The following DDX18 variants were observed in gnomAD, a reference collection of about 807,000 sequenced individuals.
DDX18 encodes DEAD-box helicase 18, also known as ATP-dependent RNA helicase DDX18.
Under a neutral mutation model 73.5 loss-of-function variants are expected in DDX18, and 23 were observed. The observed-to-expected ratio is 0.31, with a 90% confidence interval of 0.23 to 0.44. The LOEUF (loss-of-function observed/expected upper bound fraction) is 0.44, where lower values mean the gene tolerates loss of function less well. DDX18 is among the 20% of genes least tolerant of loss of function. The pLI, the probability that DDX18 is intolerant of heterozygous loss-of-function variation, is 1.00. For synonymous variants in DDX18, 268 were observed against 282.7 expected, an observed-to-expected ratio of 0.95 and a Z score of 0.52; for missense variants, 753 against 792.9, an observed-to-expected ratio of 0.95 and a Z score of 0.60.
chr2:117,824,981 C>G lies in DDX18; in HGVS notation c.1248C>G (p.Leu416=). The G allele has an allele frequency of 1.9e-6, 3 of 1,613,632 alleles. No homozygotes were observed. Among genetic ancestry groups the G allele is most frequent in the South Asian group, 1.1e-5 (1 of 90,990 alleles). The part of the protein sequence containing the change: ...VCPSEKRFLL[L]FTFLKKNRKK... ...CTTCTGAAAAGAGATTCCTTCTGCT[C>G]TTTACATTCCTTAAGAAGAACCGAA... The change falls in exon 9 of 14, where the codon CTC becomes CTG. Residue 416 remains leucine, a synonymous_variant. Coordinates refer to ENST00000263239, the MANE Select transcript of DDX18 (RefSeq NM_006773.4).
At chr2:117,819,838 C>T (rs1476934486) in intron 3 of DDX18, 46 bp downstream of exon 3, 1 of 1,518,344 alleles carries the variant, frequency 6.6e-7, no homozygotes, top group Admixed American at 2.4e-5. Flanking sequence ...TAAAATGTGC[C>T]TCTCTTAGAG....
Position 117,831,155 on chromosome 2 carries a change from C to T in DDX18, c.*431C>T, listed in dbSNP as rs527714101. 1.0e-4 allele frequency: 16 copies of T among 156,698 alleles called. No individual in the cohort carries two copies. The highest frequency in any genetic ancestry group is 2.0e-4 in the Non-Finnish European group (14 of 71,562). 9.7% of individuals were successfully genotyped at this position (156,698 alleles called of 1,614,324 possible). ...CTGGTGGCGGTGCAGAAAAGAGTCT[C>T]AGGTTATTTTTTGTTTTTAGTTATT... On this transcript the variant is annotated 3_prime_UTR_variant, in exon 14 of 14. Coordinates refer to ENST00000263239, the MANE Select transcript of DDX18 (RefSeq NM_006773.4).
chr2:117,821,202 G>C lies in DDX18; in HGVS notation c.556G>C (p.Val186Leu), dbSNP rs1379403819. 14 of 1,607,850 alleles carry C rather than the reference G, an allele frequency of 8.7e-6. No homozygotes were observed. The highest frequency in any genetic ancestry group is 1.1e-5 in the South Asian group (1 of 89,502). The change falls in exon 4 of 14, where the codon GTC becomes CTC. Residue 186 changes from valine to leucine, a missense_variant. Val to Leu is a conservative substitution (Grantham distance 32). Transcript: ENST00000263239. The part of the protein sequence containing the change: ...DTSFASLCNL[V>L]NENTLKAIKE... ...TTCGTTTGCTTCTCTATGTAATCTT[G>C]TCAATGAAAACACTCTGAAGGCAAT... is the stretch of plus-strand genomic sequence containing the variant.
Position 117,817,625 on chromosome 2 carries a change from A to G in DDX18, c.267A>G (p.Lys89=). The G allele has an allele frequency of 6.2e-7, 1 of 1,614,058 alleles. No homozygotes were observed. Among genetic ancestry groups the G allele is most frequent in the Non-Finnish European group, 8.5e-7 (1 of 1,179,942 alleles). Residue 89 remains lysine, a synonymous_variant, in exon 2 of 14, where the codon AAA becomes AAG. Coordinates refer to ENST00000263239, the MANE Select transcript of DDX18 (RefSeq NM_006773.4). Reference sequence around the variant, plus strand: ...TAAAAGTTACAAAGTCTCCCCAGAAATCCACTGTATTAACCAATGGAGAAG... The same window carrying G: ...TAAAAGTTACAAAGTCTCCCCAGAAGTCCACTGTATTAACCAATGGAGAAG... ...GNIKVTKSPQ[K]STVLTNGEAA...
intron 12 of DDX18, 76 bp from the exon 13 acceptor site, chr2:117,829,213 G>A (rs1168180541): frequency 7.5e-6 from 11 of 1,464,932 alleles, no homozygotes; most frequent in Non-Finnish European, 1.0e-5. Flanking sequence ...CTTTGCTCTA[G>A]GATATTTAAA....
chr2:117,825,204 T>C (rs1679904696), intron 9 of DDX18, 103 bp downstream of exon 9: 2 of 1,422,460 alleles, frequency 1.4e-6, no homozygotes, highest in Non-Finnish European at 9.5e-7. Flanking sequence ...TTGTTCTGAG[T>C]AGTTTGATCA....
intron 1 of DDX18, 84 bp downstream of exon 1, chr2:117,814,946 G>A: frequency 7.3e-7 from 1 of 1,376,828 alleles, no homozygotes; most frequent in Non-Finnish European, 1.0e-6. Context: ...CAGCTGCTCT[G>A]TGTGACGGAG....
intron 2 of DDX18, among the ~76,000 whole-genome samples, chr2:117,819,263 C>T (rs1456575990): frequency 1.3e-5 from 2 of 152,156 alleles, no homozygotes; most frequent in Non-Finnish European, 2.9e-5. Context: ...CCTTCCTTTA[C>T]AGTCTATCTC....
intron 1 of DDX18, among the ~76,000 whole-genome samples, chr2:117,816,860 T>C (rs1460180512): frequency 6.6e-6 from 1 of 152,240 alleles, no homozygotes; most frequent in Non-Finnish European, 1.5e-5. Context: ...AGCTCCGTTA[T>C]AATCTTATGG....
intron 1 of DDX18, among the ~76,000 whole-genome samples, chr2:117,817,203 A>G (rs150210105): frequency 6.6e-6 from 1 of 152,332 alleles, no homozygotes; most frequent in East Asian, 1.9e-4. Context: ...AGTCAGATGT[A>G]CGGTCTTTTG....
intron 10 of DDX18, 39 bp downstream of exon 10, chr2:117,825,638 C>A: frequency 1.9e-6 from 3 of 1,597,998 alleles, no homozygotes; most frequent in Non-Finnish European, 2.6e-6. Flanking sequence ...AATGACTCTG[C>A]ATTAAAAGTT....
rs1679975357 is a variant in DDX18, at chr2:117,828,854, A to G, written c.1636-95A>G. Reference sequence around the variant, plus strand: ...AGATTTTCCTTTCTGTCCTGAGGGAATTTCATAGGCCGGTTCATCCTTCCC... The same window carrying G: ...AGATTTTCCTTTCTGTCCTGAGGGAGTTTCATAGGCCGGTTCATCCTTCCC... On this transcript the variant is annotated intron_variant, in intron 11 of 13. Coordinates refer to ENST00000263239, the MANE Select transcript of DDX18 (RefSeq NM_006773.4). 5 of 853,912 alleles carry G rather than the reference A, an allele frequency of 5.9e-6. No homozygotes were observed. In the South Asian group the frequency reaches 7.7e-5, roughly 13 times the overall value. 52.9% of individuals were successfully genotyped at this position (853,912 alleles called of 1,614,324 possible).
intron 1 of DDX18, among the ~76,000 whole-genome samples, chr2:117,816,094 CTG>C (rs1679752873): frequency 6.6e-6 from 1 of 152,168 alleles, no homozygotes; most frequent in African/African-American, 2.4e-5. Flanking sequence ...AATGGTACCT[CTG>C]TATACAGTAC....
chr2:117,829,957 T>TA (rs1431312840), intron 13 of DDX18, among the ~76,000 whole-genome samples: 1 of 152,216 alleles, frequency 6.6e-6, no homozygotes, highest in Non-Finnish European at 1.5e-5. Flanking sequence ...ACTTAGGTGT[T>TA]GCTTAAGATA....
In DDX18 at chr2:117,831,311, A is replaced by C. The variant is rs1680020695; in HGVS notation, c.*587A>C. The C allele has an allele frequency of 6.6e-6, 1 of 152,286 alleles. No individual in the cohort carries two copies. The allele number at this position is 152,286 out of a possible 1,614,324, so 9.4% of individuals were successfully genotyped here. A position where few individuals can be genotyped will look rare whatever the true frequency, so the allele number is the denominator to read the frequency against. ...ATTGCTTTTATAGATTCTTGATTTT[A>C]AAGCAACAGGCCTTTCTCAGGTGTT... On this transcript the variant is annotated 3_prime_UTR_variant, in exon 14 of 14. Transcript: ENST00000263239.
In DDX18 at chr2:117,829,377, C is replaced by A; in HGVS notation, c.1781C>A (p.Ser594Tyr). The change falls in exon 13 of 14, where the codon TCT (serine) becomes TAT (tyrosine). Residue 594 changes from serine to tyrosine, a missense_variant. This residue lies in a region of DDX18 where 402 missense variants were observed against 419.4 expected (regional missense o/e 0.96). Transcript: ENST00000263239. Reference sequence around the variant, plus strand: ...TACATACGAGCCTATGATTCCCATTCTCTGAAACAGATCTTTAATGTTAAT... The same window carrying A: ...TACATACGAGCCTATGATTCCCATTATCTGAAACAGATCTTTAATGTTAAT... ...KSYIRAYDSH[S>Y]LKQIFNVNNL... The A allele has an allele frequency of 6.2e-7, 1 of 1,614,094 alleles. No homozygotes were observed.
chr2:117,816,525 A>G (rs893585938), intron 1 of DDX18, among the ~76,000 whole-genome samples: 3 of 152,176 alleles, frequency 2.0e-5, no homozygotes, highest in Non-Finnish European at 4.4e-5. Flanking sequence ...CTTCAGGGGC[A>G]ACAATAGGCA....
At position 117,819,748 on chromosome 2, in the gene DDX18, A is replaced by G; in HGVS notation, c.470A>G (p.Asp157Gly). Residue 157 changes from aspartate to glycine, a missense_variant, in exon 3 of 14, where the codon GAT (aspartate) becomes GGT (glycine). Asp to Gly is a moderately conservative substitution (Grantham distance 94, BLOSUM62 -1). Transcript: ENST00000263239. Reference protein sequence around the residue: ...TENNVEKPDNDEDESEVPSLP... With the variant: ...TENNVEKPDNGEDESEVPSLP... The stretch of plus-strand genomic sequence containing the variant: ...AATAATGTGGAGAAGCCAGATAATG[A>G]TGAAGATGAGAGTGAGGTGCCCAGT... 6.2e-7 allele frequency: 1 copy of G among 1,609,486 alleles called. No individual in the cohort carries two copies. The highest frequency in any genetic ancestry group is 8.5e-7 in the Non-Finnish European group (1 of 1,178,448).
Position 117,829,287 on chromosome 2 carries a change from A to G in DDX18, c.1693-2A>G, listed in dbSNP as rs1330575273. 1 of 1,583,648 alleles carries G rather than the reference A, an allele frequency of 6.3e-7. No individual in the cohort carries two copies. The highest frequency in any genetic ancestry group is 1.2e-5 in the South Asian group (1 of 85,082). On this transcript the variant is annotated splice_acceptor_variant, in intron 12 of 13. Transcript: ENST00000263239. LOFTEE classifies it high-confidence loss of function. ...TAAAACCAGTGTTTCTTTCTATTTCAGCTTGAGAAATTGATTGAAAAGAAT... is the reference window on the plus strand; with the variant it reads ...TAAAACCAGTGTTTCTTTCTATTTCGGCTTGAGAAATTGATTGAAAAGAAT...
Sources: gnomAD v4.1 joint callset for allele counts (sites outside exome capture counted in the v4.1 genomes callset) on GRCh38, gnomAD v4.1.1 for gene constraint, gnomAD v4.1.1 regional missense constraint, MANE v1.5 for transcripts, NCBI Gene and HGNC (gene_info 2026-07-23, HGNC 2026-07-21) for gene names.